The following SPTBN4 variants were observed in gnomAD, a reference collection of about 807,000 sequenced individuals.
SPTBN4 encodes spectrin beta, non-erythrocytic 4, also known as spectrin beta chain, non-erythrocytic 4.
A neutral mutation model predicts 277.8 loss-of-function variants in SPTBN4; 96 were observed. The observed-to-expected ratio is 0.35, with a 90% CI of 0.29 to 0.41. SPTBN4 has a LOEUF of 0.41. Ranked by LOEUF, SPTBN4 falls within the 10% of genes least tolerant of loss-of-function variation. The pLI is 1.00. For missense variants in SPTBN4, 3,006 were observed against 3,595.7 expected, an observed-to-expected ratio of 0.84 and a Z score of 4.19; for synonymous variants, 1,481 against 1,580.3, an observed-to-expected ratio of 0.94 and a Z score of 1.49.
At chr19:40,552,241 G>A (rs1315993135) in intron 22 of SPTBN4, among the ~76,000 whole-genome samples, 3 of 152,004 alleles carry the variant, frequency 2.0e-5, no homozygotes, top group African/African-American at 7.2e-5. Flanking sequence ...GGATCACGAG[G>A]TCAGGAGATC....
chr19:40,500,529 C>T (rs1003688774), intron 7 of SPTBN4, among the ~76,000 whole-genome samples: 1 of 152,152 alleles, frequency 6.6e-6, no homozygotes, highest in Non-Finnish European at 1.5e-5. Context: ...GATAGGCATA[C>T]GGCTGGGCCC....
chr19:40,560,727 G>A lies in SPTBN4; in HGVS notation c.5915+324G>A. ...GAGGTGTGGGACTGTATTTGTGAGG[G>A]TGGGTGAAGAATTCTAACAATTCCA... On this transcript the variant is annotated intron_variant, in intron 27 of 35. Coordinates refer to ENST00000598249, the MANE Select transcript of SPTBN4 (RefSeq NM_020971.3). The surrounding 1 kb of genome is among the most constrained non-coding windows in gnomAD (Gnocchi z 5.2). The A allele has an allele frequency of 2.2e-6, 3 of 1,363,680 alleles. No homozygotes were observed. The highest frequency in any genetic ancestry group is 2.8e-5 in the East Asian group (1 of 35,124). 84.5% of individuals were successfully genotyped at this position (1,363,680 alleles called of 1,614,324 possible).
At chr19:40,539,028 C>T (rs1364195411) in intron 20 of SPTBN4, among the ~76,000 whole-genome samples, 1 of 152,170 alleles carries the variant, frequency 6.6e-6, no homozygotes, top group African/African-American at 2.4e-5. Context: ...CTGCACAGGG[C>T]AGGGTGAAGA....
rs1156930891 is a variant in SPTBN4, at chr19:40,519,200, T to C, written c.2904-201T>C. ...TTTATGAAGATAGTTTTGTCCTCTA[T>C]CAGATTACATGTTGAGAATGGCTGC... is the stretch of plus-strand genomic sequence containing the variant. On this transcript the variant is annotated intron_variant, in intron 15 of 35. Coordinates refer to ENST00000598249, the MANE Select transcript of SPTBN4 (RefSeq NM_020971.3). This position sits in a 1 kb window ranked among gnomAD's most constrained non-coding sequence, Gnocchi z 5.7. Among the ~76,000 whole-genome samples the C allele has an allele frequency of 6.6e-6, 1 of 152,212 alleles. No individual in the cohort carries two copies. Among genetic ancestry groups the C allele is most frequent in the Non-Finnish European group, 1.5e-5 (1 of 68,038 alleles).
At position 40,503,814 on chromosome 19, in the gene SPTBN4, T is replaced by C. The variant is rs2080290521; in HGVS notation, c.1363-16T>C. 6.4e-7 allele frequency: 1 copy of C among 1,565,888 alleles called. No homozygotes were observed. The highest frequency in any genetic ancestry group is 2.3e-5 in the East Asian group (1 of 44,276). On this transcript the variant is annotated splice_polypyrimidine_tract_variant and intron_variant, in intron 11 of 35. Transcript: ENST00000598249. ...TGCTGAGGCAGCATGGGTGAGTGTC[T>C]GGCTCACTGCCCCAGGACAACTTTG... is the stretch of plus-strand genomic sequence containing the variant.
intron 2 of SPTBN4, among the ~76,000 whole-genome samples, chr19:40,486,583 G>A (rs1047974243): frequency 6.6e-6 from 1 of 152,042 alleles, no homozygotes; most frequent in African/African-American, 2.4e-5. Context: ...ATGTTCCCCA[G>A]GCAGGTCTCA....
intron 35 of SPTBN4, chr19:40,572,691 G>C: frequency 2.9e-6 from 1 of 347,586 alleles, no homozygotes. Context: ...AGGCGCGGTG[G>C]CTCACGCTTG....
rs1568782659 is a variant in SPTBN4 at position 40,502,944 on chromosome 19, T to TAGGG, written c.1362+12_1362+15dup. The TAGGG allele has an allele frequency of 6.2e-7, 1 of 1,612,868 alleles. No individual in the cohort carries two copies. The highest frequency in any genetic ancestry group is 1.3e-5 in the African/African-American group (1 of 74,990). ...CGTCTGGTCTCCCAGGTACAAGGTG[T>TAGGG]AGGGCTTGGCTCCAGGGTAAAGGGA... On this transcript the variant is annotated intron_variant, in intron 11 of 35. Coordinates refer to ENST00000598249, the MANE Select transcript of SPTBN4 (RefSeq NM_020971.3). The surrounding 1 kb of genome is among the most constrained non-coding windows in gnomAD (Gnocchi z 4.9).
chr19:40,531,831 C>T (rs951732312), intron 18 of SPTBN4, among the ~76,000 whole-genome samples: 1 of 151,924 alleles, frequency 6.6e-6, no homozygotes, highest in African/African-American at 2.4e-5. Flanking sequence ...GAGTCTGTGG[C>T]TAGATTTTGG....
chr19:40,549,027 A>G (rs1481594141), intron 20 of SPTBN4, among the ~76,000 whole-genome samples, 162 bp from the exon 21 acceptor site: 1 of 152,232 alleles, frequency 6.6e-6, no homozygotes, highest in Non-Finnish European at 1.5e-5. Context: ...AGTGTGATGC[A>G]GGTTCATGCG....
intron 2 of SPTBN4, among the ~76,000 whole-genome samples, chr19:40,483,358 T>C (rs1042851118): frequency 4.6e-5 from 7 of 152,218 alleles, no homozygotes; most frequent in South Asian, 2.1e-4. Context: ...AAGAGTATAA[T>C]TGGATTGTCT....
intron 16 of SPTBN4, among the ~76,000 whole-genome samples, chr19:40,522,779 G>A (rs180832650): frequency 9.7e-4 from 148 of 152,254 alleles, no homozygotes; most frequent in African/African-American, 3.4e-3. Context: ...TGTAGGGGAG[G>A]AGAGAGTAAA....
chr19:40,491,210 G>A (rs1272838414), intron 4 of SPTBN4, among the ~76,000 whole-genome samples: 6 of 152,154 alleles, frequency 3.9e-5, no homozygotes, highest in Admixed American at 3.9e-4. Flanking sequence ...TGCATTCCAG[G>A]CAGGGGGCAC....
At chr19:40,500,576 A>G (rs1387424756) in intron 7 of SPTBN4, among the ~76,000 whole-genome samples, 1 of 152,238 alleles carries the variant, frequency 6.6e-6, no homozygotes, top group Non-Finnish European at 1.5e-5. Flanking sequence ...TCCCAGCACT[A>G]TGGGAAGCTG....
chr19:40,506,171 A>G, intron 12 of SPTBN4, 65 bp from the exon 13 acceptor site: 2 of 1,542,708 alleles, frequency 1.3e-6, no homozygotes, highest in Non-Finnish European at 1.8e-6. Context: ...GGCATAGGCA[A>G]TGGGGGAGAG....
intron 3 of SPTBN4, among the ~76,000 whole-genome samples, chr19:40,488,751 A>C (rs1406212589): frequency 6.6e-6 from 1 of 152,174 alleles, no homozygotes; most frequent in African/African-American, 2.4e-5. Flanking sequence ...TCGAGGCTGC[A>C]GTGAGCCATG....
chr19:40,571,551 G>A (rs1383735254), intron 33 of SPTBN4: 2 of 153,508 alleles, frequency 1.3e-5, no homozygotes, highest in African/African-American at 2.4e-5. Flanking sequence ...TTTCTTCCTC[G>A]TACCTAATGC....
Position 40,495,049 on chromosome 19 carries a change from A to G in SPTBN4, c.668+72A>G, listed in dbSNP as rs907349691. On this transcript the variant is annotated intron_variant, in intron 6 of 35. Coordinates refer to ENST00000598249, the MANE Select transcript of SPTBN4 (RefSeq NM_020971.3). Reference sequence around the variant, plus strand: ...TATCCCTGCAGCTGCACACCTGTACATGTACTTGTGTAGATGGCACACACA... The same window carrying G: ...TATCCCTGCAGCTGCACACCTGTACGTGTACTTGTGTAGATGGCACACACA... 4 of 1,416,680 alleles carry G rather than the reference A, an allele frequency of 2.8e-6. No homozygotes were observed. In the South Asian group the frequency reaches 4.7e-5, roughly 16 times the overall value. 87.8% of individuals were successfully genotyped at this position (1,416,680 alleles called of 1,614,324 possible).
intron 27 of SPTBN4, among the ~76,000 whole-genome samples, chr19:40,561,859 T>C (rs1349181261): frequency 6.7e-6 from 1 of 150,236 alleles, no homozygotes; most frequent in Non-Finnish European, 1.5e-5. Flanking sequence ...AAATGAAATA[T>C]AGCGTGGGTA....
Sources: gnomAD v4.1 joint callset for allele counts (sites outside exome capture counted in the v4.1 genomes callset) on GRCh38, gnomAD v4.1.1 for gene constraint, Gnocchi (gnomAD v3.1) non-coding constraint, MANE v1.5 for transcripts, NCBI Gene and HGNC (gene_info 2026-07-23, HGNC 2026-07-21) for gene names.